CLEC16A: variants seen among roughly 807,000 people sequenced by gnomAD.
The protein encoded by CLEC16A is protein CLEC16A.
A neutral mutation model predicts 109.5 loss-of-function variants in CLEC16A; 51 were observed. The observed-to-expected ratio is 0.47, with a 90% CI of 0.37 to 0.59. The LOEUF is 0.59. Among genes scored for constraint, CLEC16A ranks in the 20% least tolerant of loss-of-function variants. CLEC16A has a pLI of 0.00. For synonymous variants in CLEC16A, 673 were observed against 564.2 expected (o/e 1.19, Z -2.73); for missense variants, 1,339 against 1,394.0 (o/e 0.96, Z 0.63).
chr16:10,978,494 A>G (rs1296332042), intron 8 of CLEC16A, among the ~76,000 whole-genome samples: 3 of 152,110 alleles, frequency 2.0e-5, no homozygotes, highest in South Asian at 2.1e-4. Flanking sequence ...CTGGTCTCAA[A>G]CTCCTGATCT....
chr16:11,090,901 C>T (rs768498691), intron 19 of CLEC16A, among the ~76,000 whole-genome samples: 1 of 147,322 alleles, frequency 6.8e-6, no homozygotes, highest in Non-Finnish European at 1.5e-5. Flanking sequence ...AACTCCTGAC[C>T]TCAAGTAATC....
At chr16:11,010,948 G>C (rs1440254792) in intron 11 of CLEC16A, among the ~76,000 whole-genome samples, 1 of 152,164 alleles carries the variant, frequency 6.6e-6, no homozygotes, top group African/African-American at 2.4e-5. Context: ...CTGAGATTAT[G>C]CGTTCTTGGC....
intron 8 of CLEC16A, among the ~76,000 whole-genome samples, chr16:10,978,946 C>T (rs1346304350): frequency 6.6e-6 from 1 of 152,168 alleles, no homozygotes; most frequent in African/African-American, 2.4e-5. Context: ...GTGCCCTAAA[C>T]CTCCTCCCCC....
intron 22 of CLEC16A, among the ~76,000 whole-genome samples, chr16:11,146,336 C>T (rs1484097784): frequency 6.6e-6 from 1 of 152,182 alleles, no homozygotes; most frequent in Non-Finnish European, 1.5e-5. Context: ...GTTTTGTTTA[C>T]AGCTGAATTT....
At chr16:11,114,128 CGTGTGTGT>C (rs3030600) in intron 19 of CLEC16A, among the ~76,000 whole-genome samples, 3,866 of 127,284 alleles carry the variant, frequency 0.03, 124 homozygotes, top group African/African-American at 0.09. Context: ...TGAGGATGGC[CGTGTGTGT>C]GTGTGTGTGT....
rs1286527717 is a variant in CLEC16A, at chr16:11,181,586, T to C, written c.*2896T>C. 6.6e-6 allele frequency: 1 copy of C among 152,252 alleles called. No individual in the cohort carries two copies. Among genetic ancestry groups the C allele is most frequent in the Non-Finnish European group, 1.5e-5 (1 of 68,080 alleles). 9.4% of individuals were successfully genotyped at this position (152,252 alleles called of 1,614,324 possible). A position where few individuals can be genotyped will look rare whatever the true frequency, so the allele number is the denominator to read the frequency against. On this transcript the variant is annotated 3_prime_UTR_variant, in exon 24 of 24. Transcript: ENST00000409790. ...CTCGTCCCTTTCTGGACGTGCAAGG[T>C]ACCTGTCCCAGCAGGTCAGATGGGG...
intron 5 of CLEC16A, 118 bp downstream of exon 5, chr16:10,971,348 C>A: frequency 2.4e-6 from 2 of 825,348 alleles, no homozygotes; most frequent in South Asian, 1.9e-5. Context: ...GATGATGAGC[C>A]GTGGCAGCTT....
rs1301048356 is a variant in CLEC16A, at chr16:11,042,263, T to G, written c.1670T>G (p.Ile557Ser). 1 of 1,578,592 alleles carries G rather than the reference T, an allele frequency of 6.3e-7. No individual in the cohort carries two copies. The highest frequency in any genetic ancestry group is 8.6e-7 in the Non-Finnish European group (1 of 1,162,374). The change falls in exon 15 of 24, where the codon ATC (isoleucine) becomes AGC (serine). Residue 557 changes from isoleucine to serine, a missense_variant. This residue lies in a region of CLEC16A where 1,061 missense variants were observed against 1,006.8 expected (regional missense o/e 1.05). Coordinates refer to ENST00000409790, the MANE Select transcript of CLEC16A (RefSeq NM_015226.3). Reference sequence around the variant, plus strand: ...CTGGTGTGCTCTGCAGATGGGAAGATCCGGCTGGCGACGCTGGAGCTGAGC... The same window carrying G: ...CTGGTGTGCTCTGCAGATGGGAAGAGCCGGCTGGCGACGCTGGAGCTGAGC... ...MNNAAQPDGKIRLATLELSCL... is the reference protein window; with the variant it reads ...MNNAAQPDGKSRLATLELSCL...
At chr16:11,024,686 G>A in intron 12 of CLEC16A, 135 bp from the exon 13 acceptor site, 1 of 647,988 alleles carries the variant, frequency 1.5e-6, no homozygotes, top group Admixed American at 2.3e-5. Context: ...CTCAGTGCGT[G>A]GTGCTGGACC....
chr16:11,065,384 C>G (rs771556686), intron 19 of CLEC16A, among the ~76,000 whole-genome samples: 1 of 152,254 alleles, frequency 6.6e-6, no homozygotes, highest in African/African-American at 2.4e-5. Flanking sequence ...ATAGCATGTG[C>G]TACATGTATC....
intron 22 of CLEC16A, among the ~76,000 whole-genome samples, chr16:11,151,527 AAGAG>A (rs751795691): frequency 9.9e-5 from 15 of 152,220 alleles, no homozygotes; most frequent in South Asian, 4.1e-4. Flanking sequence ...TCCTGCCAAA[AAGAG>A]AGAGAGTCTA....
chr16:11,105,365 C>T (rs1460794938), intron 19 of CLEC16A, among the ~76,000 whole-genome samples: 1 of 152,156 alleles, frequency 6.6e-6, no homozygotes, highest in Admixed American at 6.5e-5. Flanking sequence ...AGGAGTGAAG[C>T]TTTTGCAAGT....
intron 2 of CLEC16A, among the ~76,000 whole-genome samples, chr16:10,959,421 T>C (rs999356266): frequency 3.3e-5 from 5 of 152,244 alleles, no homozygotes; most frequent in Admixed American, 2.6e-4. Context: ...AGATGGAGTC[T>C]TGCTCTGTCA....
At chr16:10,976,966 G>A (rs2043060561) in intron 7 of CLEC16A, among the ~76,000 whole-genome samples, 1 of 152,228 alleles carries the variant, frequency 6.6e-6, no homozygotes, top group African/African-American at 2.4e-5. Flanking sequence ...CTTATGCAGT[G>A]GCTTGCTGGA....
At chr16:11,011,712 T>C (rs2045425452) in intron 11 of CLEC16A, among the ~76,000 whole-genome samples, 1 of 152,214 alleles carries the variant, frequency 6.6e-6, no homozygotes, top group Non-Finnish European at 1.5e-5. Flanking sequence ...TGTATGTACA[T>C]ATACAAAGTG....
intron 13 of CLEC16A, among the ~76,000 whole-genome samples, chr16:11,029,330 A>G (rs894757976): frequency 1.3e-5 from 2 of 151,976 alleles, no homozygotes; most frequent in Non-Finnish European, 2.9e-5. Flanking sequence ...CCCTTTCTTC[A>G]TGTGCATGCA....
At chr16:11,056,207 A>C (rs2048204175) in intron 18 of CLEC16A, among the ~76,000 whole-genome samples, 1 of 152,176 alleles carries the variant, frequency 6.6e-6, no homozygotes, top group Non-Finnish European at 1.5e-5. Context: ...CAGTCAGACC[A>C]ACCACGGGTC....
At chr16:11,160,025 G>C (rs1293853871) in intron 22 of CLEC16A, among the ~76,000 whole-genome samples, 4 of 152,166 alleles carry the variant, frequency 2.6e-5, no homozygotes, top group African/African-American at 7.2e-5. Context: ...ATTGAATTCA[G>C]AGCCAACTGG....
At chr16:10,963,145 C>T (rs1043078989) in intron 3 of CLEC16A, among the ~76,000 whole-genome samples, 3 of 152,184 alleles carry the variant, frequency 2.0e-5, no homozygotes, top group Non-Finnish European at 4.4e-5. Context: ...CAGACGGCCA[C>T]CCTCTTGCTG....
Sources: gnomAD v4.1 joint callset for allele counts (sites outside exome capture counted in the v4.1 genomes callset) on GRCh38, gnomAD v4.1.1 for gene constraint, gnomAD v4.1.1 regional missense constraint, MANE v1.5 for transcripts, NCBI Gene and HGNC (gene_info 2026-07-23, HGNC 2026-07-21) for gene names.